Variants in CENPP observed in about 807,000 individuals in gnomAD.
The protein encoded by CENPP is centromere protein P.
CENPP carries 24 observed loss-of-function variants against 35.6 expected under a neutral mutation model. The ratio of observed to expected loss-of-function variants is 0.67; its 90% CI spans 0.49 to 0.95. CENPP has a LOEUF of 0.95. Ranked by LOEUF, CENPP falls within the 40% of genes least tolerant of loss-of-function variation. The probability of loss-of-function intolerance (pLI) is 0.00; values close to 1 mark genes in which losing one functional copy is unlikely to be tolerated. For synonymous variants in CENPP, 120 were observed against 125.5 expected (o/e 0.96, Z 0.29); for missense variants, 332 against 345.3 (o/e 0.96, Z 0.31).
At chr9:92,392,506 G>A (rs900120644) in intron 5 of CENPP, among the ~76,000 whole-genome samples, 17 of 151,808 alleles carry the variant, frequency 1.1e-4, no homozygotes, top group Non-Finnish European at 2.4e-4. Context: ...CCTCAGCTAC[G>A]TGAGAGGCTG....
At chr9:92,447,808 G>A (rs995234372) in intron 5 of CENPP, among the ~76,000 whole-genome samples, 2 of 152,204 alleles carry the variant, frequency 1.3e-5, no homozygotes, top group South Asian at 4.1e-4. Flanking sequence ...ACTCCTAGAA[G>A]TTTAGAACCT....
At chr9:92,417,226 G>T in intron 5 of CENPP, 1 of 1,613,980 alleles carries the variant, frequency 6.2e-7, no homozygotes, top group Middle Eastern at 1.7e-4. Flanking sequence ...TTGCATTGAT[G>T]AATGAATTTG....
Position 92,605,371 on chromosome 9 carries a change from T to A in CENPP, c.565-5943T>A, listed in dbSNP as rs189672344. Among the ~76,000 whole-genome samples, 27 of 152,058 alleles carry A rather than the reference T, an allele frequency of 1.8e-4. No homozygotes were observed. The East Asian group carries it at 4.6e-3, about 26-fold the overall frequency. Reference sequence around the variant, plus strand: ...GCATTGAAATTCATTTTTTTTTTTTTACATGTGGATATCCAATTGGCCCAG... The same window carrying A: ...GCATTGAAATTCATTTTTTTTTTTTAACATGTGGATATCCAATTGGCCCAG... On this transcript the variant is annotated intron_variant, in intron 5 of 7. Transcript: ENST00000375587.
At chr9:92,527,714 A>G (rs1044583686) in intron 5 of CENPP, among the ~76,000 whole-genome samples, 1 of 152,072 alleles carries the variant, frequency 6.6e-6, no homozygotes, top group Non-Finnish European at 1.5e-5. Context: ...ATGCAGGGTG[A>G]TCAGTGCTAA....
chr9:92,328,078 C>T (rs10116813), intron 1 of CENPP, among the ~76,000 whole-genome samples: 55,403 of 151,878 alleles, frequency 0.36, 12,412 homozygotes, highest in African/African-American at 0.63. Flanking sequence ...TTTGGGGTCC[C>T]CTTGACCAAG....
chr9:92,339,506 G>T (rs942702561), intron 3 of CENPP, among the ~76,000 whole-genome samples: 1 of 152,142 alleles, frequency 6.6e-6, no homozygotes, highest in African/African-American at 2.4e-5. Context: ...TGATGGCAAA[G>T]CTCCCAGCCT....
intron 5 of CENPP, among the ~76,000 whole-genome samples, chr9:92,475,377 C>A (rs1160931923): frequency 6.6e-6 from 1 of 152,062 alleles, no homozygotes; most frequent in Non-Finnish European, 1.5e-5. Flanking sequence ...AAACTGTATA[C>A]TTACAAACAC....
At chr9:92,341,078 G>A (rs2130795125) in intron 3 of CENPP, among the ~76,000 whole-genome samples, 1 of 152,226 alleles carries the variant, frequency 6.6e-6, no homozygotes, top group East Asian at 1.9e-4. Flanking sequence ...AGGGGCGCCT[G>A]TCTCTTATGG....
chr9:92,558,266 A>G (rs1484180263), intron 5 of CENPP, among the ~76,000 whole-genome samples: 1 of 152,176 alleles, frequency 6.6e-6, no homozygotes, highest in Non-Finnish European at 1.5e-5. Context: ...TCATTTAGGT[A>G]GGTTCTATCA....
chr9:92,330,688 G>GTTT (rs11396197), intron 1 of CENPP, among the ~76,000 whole-genome samples: 40 of 121,266 alleles, frequency 3.3e-4, no homozygotes, highest in African/African-American at 3.7e-4. Flanking sequence ...TCTTTTCTTT[G>GTTT]TTTTTTTTTT....
chr9:92,372,538 C>T (rs1038994891), intron 4 of CENPP, among the ~76,000 whole-genome samples: 6 of 152,208 alleles, frequency 3.9e-5, no homozygotes, highest in African/African-American at 1.4e-4. Flanking sequence ...GTGAGTTTTA[C>T]ACTTTCATGT....
intron 4 of CENPP, among the ~76,000 whole-genome samples, chr9:92,352,063 T>A (rs1841462699): frequency 6.7e-6 from 1 of 150,316 alleles, no homozygotes; most frequent in Non-Finnish European, 1.5e-5. Context: ...AAGCTTTATT[T>A]GCACCATCTA....
chr9:92,450,666 G>T (rs1253131162), intron 5 of CENPP, among the ~76,000 whole-genome samples: 1 of 152,082 alleles, frequency 6.6e-6, no homozygotes, highest in Admixed American at 6.6e-5. Flanking sequence ...CTGGGGAATC[G>T]CCACACTGAC....
At chr9:92,529,738 C>T (rs1240768632) in intron 5 of CENPP, among the ~76,000 whole-genome samples, 2 of 152,116 alleles carry the variant, frequency 1.3e-5, no homozygotes, top group South Asian at 2.1e-4. Context: ...GATTTCAACT[C>T]TATGACATTC....
chr9:92,326,028 C>G lies in CENPP; in HGVS notation c.30C>G (p.Ala10=), dbSNP rs1435562537. The G allele has an allele frequency of 7.1e-6, 11 of 1,557,548 alleles. No individual in the cohort carries two copies. The highest frequency in any genetic ancestry group is 8.7e-6 in the Non-Finnish European group (10 of 1,151,440). ...ACGCAGAGCTGGCAGAGGTGCGCGC[C>G]TTGCAAGCTGAGATCGCGGCCCTGC... MDAELAEVR[A]LQAEIAALRR... is the part of the protein sequence containing the mutation. The change falls in exon 1 of 8, where the codon GCC becomes GCG. Residue 10 remains alanine, a synonymous_variant. Coordinates refer to ENST00000375587, the MANE Select transcript of CENPP (RefSeq NM_001012267.3).
intron 5 of CENPP, among the ~76,000 whole-genome samples, chr9:92,511,465 T>C (rs1215820569): frequency 6.6e-6 from 1 of 151,790 alleles, no homozygotes; most frequent in Non-Finnish European, 1.5e-5. Flanking sequence ...GTCCAATCTG[T>C]ATCTTTCAAA....
chr9:92,406,006 C>T (rs748617504), intron 5 of CENPP, among the ~76,000 whole-genome samples: 3 of 152,132 alleles, frequency 2.0e-5, no homozygotes, highest in Non-Finnish European at 2.9e-5. Flanking sequence ...CATGGTAGGG[C>T]TTGCTACACA....
At chr9:92,494,369 C>A (rs984112365) in intron 5 of CENPP, among the ~76,000 whole-genome samples, 2 of 152,174 alleles carry the variant, frequency 1.3e-5, no homozygotes, top group African/African-American at 4.8e-5. Context: ...GATGTGTAAC[C>A]CTATCTTCTT....
chr9:92,460,889 G>A (rs562796251), intron 5 of CENPP, among the ~76,000 whole-genome samples: 2 of 152,178 alleles, frequency 1.3e-5, no homozygotes, highest in Admixed American at 1.3e-4. Flanking sequence ...ATGTTGGCCA[G>A]GTTGGTTTCA....
Sources: gnomAD v4.1 joint callset for allele counts (sites outside exome capture counted in the v4.1 genomes callset) on GRCh38, gnomAD v4.1.1 for gene constraint, MANE v1.5 for transcripts, NCBI Gene and HGNC (gene_info 2026-07-23, HGNC 2026-07-21) for gene names.